ARPC5: variants seen among roughly 807,000 people sequenced by gnomAD.
The protein encoded by ARPC5 is actin-related protein 2/3 complex subunit 5.
ARPC5 carries 5 observed loss-of-function variants against 15.4 expected under a neutral mutation model. That is an observed-to-expected ratio of 0.32 (90% CI 0.17 to 0.68). The LOEUF is 0.68. Ranked by LOEUF, ARPC5 falls within the 30% of genes least tolerant of loss-of-function variation. The pLI is 0.71. For missense variants in ARPC5, 138 were observed against 192.8 expected, an observed-to-expected ratio of 0.72 and a Z score of 1.68; for synonymous variants, 85 against 72.2, an observed-to-expected ratio of 1.18 and a Z score of -0.90.
At position 183,622,647 on chromosome 1, in the gene ARPC5, A is replaced by G. The variant is rs1432233286; in HGVS notation, c.*4885T>C. ...ACAGAATAATGAACAGATCATATAA[A>G]CTCCCATAGTGCCACTGTTAGCCAG... On this transcript the variant is annotated 3_prime_UTR_variant, in exon 4 of 4. Transcript: ENST00000359856. The G allele has an allele frequency of 1.3e-5, 2 of 152,032 alleles. No individual in the cohort carries two copies. The highest frequency in any genetic ancestry group is 2.9e-5 in the Non-Finnish European group (2 of 68,010). The allele number at this position is 152,032 out of a possible 1,614,324, so 9.4% of individuals were successfully genotyped here.
At chr1:183,634,914 CTTT>C (rs76444004) in intron 1 of ARPC5, among the ~76,000 whole-genome samples, 3 of 125,804 alleles carry the variant, frequency 2.4e-5, no homozygotes, top group Admixed American at 7.5e-5. Context: ...TCTTCTTCTT[CTTT>C]TTTTTTTTTT....
chr1:183,628,299 C>T (rs958538692), intron 3 of ARPC5, among the ~76,000 whole-genome samples: 1 of 152,000 alleles, frequency 6.6e-6, no homozygotes, highest in Admixed American at 6.6e-5. Context: ...GATCAACCAT[C>T]CCAACTTCCA....
At chr1:183,630,270 C>T in intron 3 of ARPC5, 191 bp downstream of exon 3, 1 of 428,060 alleles carries the variant, frequency 2.3e-6, no homozygotes, top group Middle Eastern at 5.9e-4. Context: ...TGAATAAACA[C>T]AAGTGTTGGA....
intron 1 of ARPC5, 31 bp from the exon 2 acceptor site, chr1:183,633,185 G>A (rs769427145): frequency 3.9e-6 from 6 of 1,520,412 alleles, no homozygotes; most frequent in South Asian, 1.2e-5. Context: ...AACAGCAAAG[G>A]ATGGCCCCCA....
At chr1:183,629,886 T>C (rs1001349541) in intron 3 of ARPC5, among the ~76,000 whole-genome samples, 2 of 152,198 alleles carry the variant, frequency 1.3e-5, no homozygotes, top group African/African-American at 4.8e-5. Context: ...ACTAACTCCC[T>C]ATTCCTTGCT....
Position 183,622,652 on chromosome 1 carries a change from C to T in ARPC5, c.*4880G>A, listed in dbSNP as rs1648970463. 6.6e-6 allele frequency: 1 copy of T among 152,226 alleles called. No homozygotes were observed. The highest frequency in any genetic ancestry group is 2.4e-5 in the African/African-American group (1 of 41,454). The allele number at this position is 152,226 out of a possible 1,614,324, so 9.4% of individuals were successfully genotyped here. A position where few individuals can be genotyped will look rare whatever the true frequency, so the allele number is the denominator to read the frequency against. On this transcript the variant is annotated 3_prime_UTR_variant, in exon 4 of 4. Coordinates refer to ENST00000359856, the MANE Select transcript of ARPC5 (RefSeq NM_005717.4). Reference sequence around the variant, plus strand: ...ATAATGAACAGATCATATAAACTCCCATAGTGCCACTGTTAGCCAGATATG... The same window carrying T: ...ATAATGAACAGATCATATAAACTCCTATAGTGCCACTGTTAGCCAGATATG...
At chr1:183,633,944 C>A (rs1470331592) in intron 1 of ARPC5, 3 of 152,220 alleles carry the variant, frequency 2.0e-5, no homozygotes, top group Non-Finnish European at 4.4e-5. Context: ...TACCCCACCA[C>A]TAGGGCTGTC....
chr1:183,628,494 T>A (rs916875217), intron 3 of ARPC5, among the ~76,000 whole-genome samples: 3 of 152,234 alleles, frequency 2.0e-5, no homozygotes, highest in Non-Finnish European at 4.4e-5. Context: ...TACCTTTGTA[T>A]ACTGAGTACT....
chr1:183,635,379 C>G (rs1320765021), intron 1 of ARPC5, 138 bp downstream of exon 1: 2 of 1,063,354 alleles, frequency 1.9e-6, no homozygotes, highest in Non-Finnish European at 2.6e-6. Flanking sequence ...AGCGGGCGAT[C>G]CCAAAGAGAC....
At chr1:183,632,770 G>C (rs1201693864) in intron 2 of ARPC5, 2 of 194,262 alleles carry the variant, frequency 1.0e-5, no homozygotes, top group African/African-American at 4.7e-5. Flanking sequence ...ATTACAATCT[G>C]TTTATTTTTG....
rs1648917730 is a variant in ARPC5 at position 183,620,995 on chromosome 1, C to T, written c.*6537G>A. On this transcript the variant is annotated 3_prime_UTR_variant, in exon 4 of 4. Coordinates refer to ENST00000359856, the MANE Select transcript of ARPC5 (RefSeq NM_005717.4). Reference sequence around the variant, plus strand: ...AAAGGGCAAAGAAAATATAGAAATACAAAAATATAGAAAAGAAAATACAAC... The same window carrying T: ...AAAGGGCAAAGAAAATATAGAAATATAAAAATATAGAAAAGAAAATACAAC... The T allele has an allele frequency of 6.6e-6, 1 of 151,744 alleles. No homozygotes were observed. Among genetic ancestry groups the T allele is most frequent in the African/African-American group, 2.4e-5 (1 of 41,318 alleles). 9.4% of individuals were successfully genotyped at this position (151,744 alleles called of 1,614,324 possible).
chr1:183,629,087 C>T (rs910213672), intron 3 of ARPC5, among the ~76,000 whole-genome samples: 1 of 152,188 alleles, frequency 6.6e-6, no homozygotes, highest in Non-Finnish European at 1.5e-5. Context: ...AAACTGGTGA[C>T]TGACATTTGG....
chr1:183,626,523 G>A lies in ARPC5; in HGVS notation c.*1009C>T, dbSNP rs1649101498. 6.6e-6 allele frequency: 1 copy of A among 152,606 alleles called. No homozygotes were observed. Among genetic ancestry groups the A allele is most frequent in the African/African-American group, 2.4e-5 (1 of 41,434 alleles). The allele number at this position is 152,606 out of a possible 1,614,324, so 9.5% of individuals were successfully genotyped here. A position where few individuals can be genotyped will look rare whatever the true frequency, so the allele number is the denominator to read the frequency against. ...GCAGTTTCTTTTTTTAGAAAACACT[G>A]AGCTAAAACACAGAATGTGTATTTG... On this transcript the variant is annotated 3_prime_UTR_variant, in exon 4 of 4. Transcript: ENST00000359856.
rs144277810 is a variant in ARPC5 at position 183,635,636 on chromosome 1, C to T, written c.24G>A (p.Ser8=). The change falls in exon 1 of 4, where the codon TCG becomes TCA. Residue 8 remains serine, a synonymous_variant. Coordinates refer to ENST00000359856, the MANE Select transcript of ARPC5 (RefSeq NM_005717.4). The part of the protein sequence containing the change: MSKNTVS[S]ARFRKVDVDE... ...CCACGTCCACCTTCCGGAAGCGGGCCGACGACACTGTGTTCTTCGACATCC... is the reference window on the plus strand; with the variant it reads ...CCACGTCCACCTTCCGGAAGCGGGCTGACGACACTGTGTTCTTCGACATCC... 12 of 1,613,134 alleles carry T rather than the reference C, an allele frequency of 7.4e-6. No individual in the cohort carries two copies. In the African/African-American group the frequency reaches 1.6e-4, roughly 22 times the overall value.
chr1:183,635,481 G>T (rs754056801), intron 1 of ARPC5, 36 bp downstream of exon 1: 17 of 1,580,186 alleles, frequency 1.1e-5, no homozygotes, highest in Admixed American at 1.0e-4. Flanking sequence ...GGGCTGGGCT[G>T]GGCTGGGGTG....
In ARPC5 at chr1:183,622,309, C is replaced by A. The variant is rs533819228; in HGVS notation, c.*5223G>T. Reference sequence around the variant, plus strand: ...ACAATATGAACAAATTATTTGAAAACGAATAAAAACTAAAATGAATAAAAT... The same window carrying A: ...ACAATATGAACAAATTATTTGAAAAAGAATAAAAACTAAAATGAATAAAAT... On this transcript the variant is annotated 3_prime_UTR_variant, in exon 4 of 4. Transcript: ENST00000359856. 1.3e-5 allele frequency: 2 copies of A among 151,930 alleles called. No homozygotes were observed. The highest frequency in any genetic ancestry group is 6.6e-5 in the Admixed American group (1 of 15,252). 9.4% of individuals were successfully genotyped at this position (151,930 alleles called of 1,614,324 possible).
intron 1 of ARPC5, chr1:183,633,707 C>T (rs1365525321): frequency 6.6e-6 from 1 of 152,176 alleles, no homozygotes; most frequent in East Asian, 1.9e-4. Context: ...TGTAATAATT[C>T]ATATGTCCCT....
At chr1:183,635,426 G>C (rs766969338) in intron 1 of ARPC5, 91 bp downstream of exon 1, 71 of 1,431,550 alleles carry the variant, frequency 5.0e-5, no homozygotes, top group Non-Finnish European at 6.4e-5. Flanking sequence ...GCTCCGCGCC[G>C]GTGCCCCGCG....
At chr1:183,630,090 C>A (rs1278485259) in intron 3 of ARPC5, among the ~76,000 whole-genome samples, 3 of 152,190 alleles carry the variant, frequency 2.0e-5, no homozygotes, top group African/African-American at 7.2e-5. Flanking sequence ...GAATCATATT[C>A]CATTGTATGT....
Sources: gnomAD v4.1 joint callset for allele counts (sites outside exome capture counted in the v4.1 genomes callset) on GRCh38, gnomAD v4.1.1 for gene constraint, MANE v1.5 for transcripts, NCBI Gene and HGNC (gene_info 2026-07-23, HGNC 2026-07-21) for gene names.